SLC39A11: variants seen among roughly 807,000 people sequenced by gnomAD.
SLC39A11 encodes zinc transporter ZIP11.
In SLC39A11, 33 loss-of-function variants were observed where a neutral mutation model predicts 36.1. That is an observed-to-expected ratio of 0.91 (90% CI 0.69 to 1.22). The LOEUF is 1.22. Ranked by LOEUF, SLC39A11 falls within the 50% of genes most tolerant of loss-of-function variation. The pLI is 0.00. For missense variants in SLC39A11, 432 were observed against 430.3 expected, an observed-to-expected ratio of 1.00 and a Z score of -0.03; for synonymous variants, 166 against 170.3, an observed-to-expected ratio of 0.97 and a Z score of 0.20.
chr17:72,660,991 A>C (rs1172621181), intron 7 of SLC39A11, among the ~76,000 whole-genome samples: 1 of 152,230 alleles, frequency 6.6e-6, no homozygotes, highest in East Asian at 1.9e-4. Context: ...AAATAGCTGG[A>C]CGACAAAAAC....
At chr17:72,684,703 T>C (rs2071665227) in intron 7 of SLC39A11, among the ~76,000 whole-genome samples, 1 of 152,210 alleles carries the variant, frequency 6.6e-6, no homozygotes, top group Non-Finnish European at 1.5e-5. Flanking sequence ...AAATCACAGA[T>C]GTGGTCCCTG....
rs138420484 is a variant in SLC39A11 at position 72,796,465 on chromosome 17, G to A, written c.601+53169C>T. ...AGATTCTTGGAAATACACCCTCCCC[G>A]TGGAGCTGGGCTTCCAGGATCAACC... On this transcript the variant is annotated intron_variant, in intron 6 of 9. Coordinates refer to ENST00000255559, the MANE Select transcript of SLC39A11 (RefSeq NM_139177.4). Among the ~76,000 whole-genome samples the A allele has an allele frequency of 1.6e-3, 239 of 152,238 alleles. 3 individuals are homozygous for A. The highest frequency in any genetic ancestry group is 5.5e-3 in the African/African-American group (230 of 41,506).
intron 5 of SLC39A11, among the ~76,000 whole-genome samples, chr17:72,891,980 C>T (rs1262205542): frequency 1.3e-5 from 2 of 152,064 alleles, no homozygotes; most frequent in Non-Finnish European, 1.5e-5. Flanking sequence ...ACAGTAGGTG[C>T]TCAATAAAGA....
intron 6 of SLC39A11, among the ~76,000 whole-genome samples, chr17:72,818,245 C>T (rs902364436): frequency 2.6e-5 from 4 of 152,130 alleles, no homozygotes; most frequent in African/African-American, 4.8e-5. Context: ...CATCTTGACC[C>T]GAAAGGTCAA....
chr17:72,955,293 G>GTTTTTTTTTT (rs1598580873), intron 4 of SLC39A11, among the ~76,000 whole-genome samples: 1 of 44,644 alleles, frequency 2.2e-5, no homozygotes, highest in Non-Finnish European at 4.6e-5. Flanking sequence ...TAACTTTTCA[G>GTTTTTTTTTT]TTCTCTTTTT....
At chr17:72,854,849 C>T (rs953765512) in intron 5 of SLC39A11, among the ~76,000 whole-genome samples, 6 of 152,206 alleles carry the variant, frequency 3.9e-5, no homozygotes, top group South Asian at 2.1e-4. Flanking sequence ...ACTTTTCCCA[C>T]GGAATCACCA....
chr17:73,025,319 G>C (rs189331087), intron 4 of SLC39A11, among the ~76,000 whole-genome samples: 1 of 152,162 alleles, frequency 6.6e-6, no homozygotes, highest in Non-Finnish European at 1.5e-5. Flanking sequence ...GGGAGAGGAG[G>C]GGGAGGGGAG....
chr17:72,827,668 GCTATTGC>G, intron 6 of SLC39A11, among the ~76,000 whole-genome samples: 1 of 152,314 alleles, frequency 6.6e-6, no homozygotes, highest in South Asian at 2.1e-4. Flanking sequence ...AAGGAAAAAT[GCTATTGC>G]CTTCAGCCAT....
intron 5 of SLC39A11, among the ~76,000 whole-genome samples, chr17:72,860,499 C>T (rs1016386882): frequency 1.3e-5 from 2 of 152,244 alleles, no homozygotes; most frequent in African/African-American, 4.8e-5. Flanking sequence ...TGGGGATTGT[C>T]AATCAAATCA....
chr17:72,931,646 G>T (rs550787940), intron 5 of SLC39A11, among the ~76,000 whole-genome samples: 27 of 152,328 alleles, frequency 1.8e-4, no homozygotes, highest in Admixed American at 1.4e-3. Context: ...CAAGGTTGAG[G>T]AATCTTGGAA....
intron 7 of SLC39A11, among the ~76,000 whole-genome samples, chr17:72,722,125 A>T (rs2073709183): frequency 6.6e-6 from 1 of 152,076 alleles, no homozygotes; most frequent in South Asian, 2.1e-4. Context: ...TTCCAGTATC[A>T]ATTTCTTTTC....
At chr17:72,701,741 A>AAAAAAG (rs2072637174) in intron 7 of SLC39A11, among the ~76,000 whole-genome samples, 1 of 150,580 alleles carries the variant, frequency 6.6e-6, no homozygotes, top group African/African-American at 2.5e-5. Flanking sequence ...AAAAAAAAAA[A>AAAAAAG]AAAAAGAAAA....
intron 7 of SLC39A11, among the ~76,000 whole-genome samples, chr17:72,678,444 C>T (rs139931081): frequency 0.013 from 2,028 of 152,210 alleles, 23 homozygotes; most frequent in Middle Eastern, 0.065. Context: ...CGGTGGCTCA[C>T]ATCTGTAATC....
At chr17:72,947,473 G>A (rs1310094845) in intron 5 of SLC39A11, 2 of 485,956 alleles carry the variant, frequency 4.1e-6, no homozygotes, top group African/African-American at 1.9e-5. Context: ...CACCATCAGA[G>A]TGACCCCACT....
intron 5 of SLC39A11, among the ~76,000 whole-genome samples, chr17:72,900,154 A>AGG (rs2082288085): frequency 5.9e-5 from 1 of 16,838 alleles, no homozygotes; most frequent in African/African-American, 1.9e-4. Context: ...GAAAGAAAGA[A>AGG]AAGAAAGAAA....
chr17:72,773,335 T>C (rs767048791), intron 6 of SLC39A11, among the ~76,000 whole-genome samples: 11 of 152,136 alleles, frequency 7.2e-5, no homozygotes, highest in Non-Finnish European at 1.3e-4. Flanking sequence ...TTCCCATGTG[T>C]TGTGGGAGCG....
At position 72,649,278 on chromosome 17, in the gene SLC39A11, C is replaced by T; in HGVS notation, c.672-10G>A. On this transcript the variant is annotated splice_polypyrimidine_tract_variant and intron_variant, in intron 7 of 9. Transcript: ENST00000255559. ...TCCAATGGCCAAATTCCTGAAAAAC[C>T]AAGAAAGCACATGAAGGCTGCTGTC... 1 of 1,612,624 alleles carries T rather than the reference C, an allele frequency of 6.2e-7. No homozygotes were observed. The highest frequency in any genetic ancestry group is 8.5e-7 in the Non-Finnish European group (1 of 1,179,038).
chr17:73,059,802 G>A (rs1468891097), intron 3 of SLC39A11, among the ~76,000 whole-genome samples: 3 of 152,112 alleles, frequency 2.0e-5, no homozygotes, highest in African/African-American at 7.2e-5. Context: ...AACGTAGAAT[G>A]ACAGGTTGCC....
chr17:73,009,058 C>CAAAAAAAAAAAAA (rs34448509), intron 4 of SLC39A11, among the ~76,000 whole-genome samples: 1 of 78,816 alleles, frequency 1.3e-5, no homozygotes, highest in African/African-American at 4.6e-5. Flanking sequence ...AGACCTGCCT[C>CAAAAAAAAAAAAA]AAAAAAAAAA....
Sources: gnomAD v4.1 joint callset for allele counts (sites outside exome capture counted in the v4.1 genomes callset) on GRCh38, gnomAD v4.1.1 for gene constraint, MANE v1.5 for transcripts, NCBI Gene and HGNC (gene_info 2026-07-23, HGNC 2026-07-21) for gene names.